The following LAMP2 variants were observed in gnomAD, a reference collection of about 807,000 sequenced individuals.
LAMP2 encodes lysosome-associated membrane glycoprotein 2.
In LAMP2, 4 loss-of-function variants were observed where a neutral mutation model predicts 25.6. The observed-to-expected ratio is 0.16, with a 90% CI of 0.08 to 0.36. The LOEUF (loss-of-function observed/expected upper bound fraction) is 0.36. LAMP2 is among the 10% of genes least tolerant of loss of function. The pLI is 1.00. For missense variants in LAMP2, 272 were observed against 301.4 expected, an observed-to-expected ratio of 0.90 and a Z score of 0.72; for synonymous variants, 108 against 112.7, an observed-to-expected ratio of 0.96 and a Z score of 0.27.
chrX:120,451,531 C>G (rs1027029924), intron 3 of LAMP2, among the ~76,000 whole-genome samples: 3 of 111,101 alleles, frequency 2.7e-5, no homozygotes, highest in African/African-American at 9.9e-5. Flanking sequence ...GTGGCGTAAT[C>G]TTGGCTCACC....
chrX:120,437,259 A>AGC (rs1292209864), intron 8 of LAMP2: 2 of 728,264 alleles, frequency 2.7e-6, no homozygotes, highest in Admixed American at 1.8e-4. Flanking sequence ...TTATATTGTT[A>AGC]TAAAAATACC....
Position 120,447,846 on chromosome X carries a change from C to T in LAMP2, c.736G>A (p.Asp246Asn). 8.3e-7 allele frequency: 1 copy of T among 1,207,744 alleles called. No homozygotes were observed. ...TMGLQLNITQ[D>N]KVASVININP... ...ATAAAGATAGACACCTATACCTTAT[C>T]CTGAGTGATGTTCAGCTGCAGCCCC... Residue 246 changes from aspartate (D) to asparagine (N), a missense_variant, in exon 5 of 9, where the codon GAT becomes AAT. Coordinates refer to ENST00000200639, the MANE Select transcript of LAMP2 (RefSeq NM_002294.3).
intron 1 of LAMP2, among the ~76,000 whole-genome samples, chrX:120,457,334 A>T (rs1470070587): frequency 4.5e-5 from 5 of 111,847 alleles, no homozygotes; most frequent in Non-Finnish European, 9.4e-5. Flanking sequence ...ATAATCTATG[A>T]CACACGGATG....
In LAMP2 at chrX:120,428,578, G is replaced by T. The variant is rs776665496; in HGVS notation, c.*2745C>A. 19 of 1,199,366 alleles carry T rather than the reference G, an allele frequency of 1.6e-5. No homozygotes were observed. Among genetic ancestry groups the T allele is most frequent in the Non-Finnish European group, 2.1e-5 (19 of 889,732 alleles). On this transcript the variant is annotated 3_prime_UTR_variant, in exon 9 of 9. Transcript: ENST00000200639. The stretch of plus-strand genomic sequence containing the variant: ...AAGGAAGCCCAAGGCCACACCCACT[G>T]CAACAGGAATAAGAAAGTTGAGGTC...
In LAMP2 at chrX:120,439,660, CATT is replaced by C. The variant is rs773711151; in HGVS notation, c.1093+2067_1093+2069del. On this transcript the variant is annotated intron_variant, in intron 8 of 8. Transcript: ENST00000200639. ...CATTATATATGATATATAATGCACACATTATATATATGATATATATTTTATATG... is the reference window on the plus strand; with the variant it reads ...CATTATATATGATATATAATGCACACATATATATGATATATATTTTATATG... Among the ~76,000 whole-genome samples, 11 of 109,103 alleles carry C rather than the reference CATT, an allele frequency of 1.0e-4. No homozygotes were observed. In the East Asian group the frequency reaches 2.3e-3, roughly 23 times the overall value. 94.7% of individuals were successfully genotyped at this position (109,103 alleles called of 115,157 possible). A position where few individuals can be genotyped will look rare whatever the true frequency, so the allele number is the denominator to read the frequency against.
intron 8 of LAMP2, among the ~76,000 whole-genome samples, chrX:120,439,645 G>T (rs865966034): frequency 9.2e-6 from 1 of 108,684 alleles, no homozygotes; most frequent in African/African-American, 3.3e-5. Flanking sequence ...CATTATATAT[G>T]ATATATAATG....
chrX:120,447,980 A>C lies in LAMP2; in HGVS notation c.602T>G (p.Ile201Arg). The C allele has an allele frequency of 8.3e-7, 1 of 1,210,641 alleles. No homozygotes were observed. The highest frequency in any genetic ancestry group is 3.0e-5 in the East Asian group (1 of 33,810). Residue 201 changes from isoleucine to arginine, a missense_variant, in exon 5 of 9, where the codon ATA becomes AGA. Physicochemically the swap from Ile to Arg is moderately conservative, Grantham distance 97 (BLOSUM62 -3). Transcript: ENST00000200639. ...AGTAGGAGATGGCACAGTGGTGTGTATGGTGGGTGCCACTGTTGAAGTTTT... is the reference window on the plus strand; with the variant it reads ...AGTAGGAGATGGCACAGTGGTGTGTCTGGTGGGTGCCACTGTTGAAGTTTT... ...KDKTSTVAPTIHTTVPSPTTT... is the reference protein window; with the variant it reads ...KDKTSTVAPTRHTTVPSPTTT...
intron 6 of LAMP2, 150 bp from the exon 7 acceptor site, chrX:120,442,812 G>T (rs1205207015): frequency 2.0e-6 from 1 of 506,513 alleles, no homozygotes; most frequent in Non-Finnish European, 3.5e-6. Context: ...AAGTAAAAGA[G>T]AACTCATAAT....
intron 1 of LAMP2, among the ~76,000 whole-genome samples, chrX:120,465,764 G>A (rs2087158264): frequency 8.9e-6 from 1 of 112,079 alleles, no homozygotes; most frequent in Non-Finnish European, 1.9e-5. Flanking sequence ...CACAGTTCTA[G>A]CTACATAGTA....
chrX:120,449,192 T>C, intron 3 of LAMP2, 64 bp from the exon 4 acceptor site: 1 of 898,099 alleles, frequency 1.1e-6, no homozygotes, highest in South Asian at 2.1e-5. Flanking sequence ...AATATAAATA[T>C]ATTTGTATAG....
At position 120,446,320 on chromosome X, in the gene LAMP2, G is replaced by C; in HGVS notation, c.849C>G (p.Asp283Glu). 1 of 1,207,623 alleles carries C rather than the reference G, an allele frequency of 8.3e-7. No individual in the cohort carries two copies. The highest frequency in any genetic ancestry group is 1.1e-6 in the Non-Finnish European group (1 of 891,958). Reference protein sequence around the residue: ...RLNSSTIKYLDFVFAVKNENR... With the variant: ...RLNSSTIKYLEFVFAVKNENR... ...TGTTACTCACCACAGCAAAGACAAA[G>C]TCTAGATACTTAATGGTGCTGCTAT... The change falls in exon 6 of 9, where the codon GAC becomes GAG. Residue 283 changes from aspartate to glutamate, a missense_variant. Physicochemically the swap from Asp to Glu is conservative, Grantham distance 45. Coordinates refer to ENST00000200639, the MANE Select transcript of LAMP2 (RefSeq NM_002294.3).
chrX:120,446,018 G>C (rs372627306), intron 6 of LAMP2, among the ~76,000 whole-genome samples: 28 of 111,202 alleles, frequency 2.5e-4, no homozygotes, highest in East Asian at 8.5e-4. Context: ...GACAATTGTG[G>C]GTTTCGTTTT....
chrX:120,436,170 A>ACACACACACACACTCTCT (rs1251901451), intron 8 of LAMP2, among the ~76,000 whole-genome samples: 4 of 57,302 alleles, frequency 7.0e-5, no homozygotes, highest in African/African-American at 2.0e-4. Flanking sequence ...ACACACACAC[A>ACACACACACACACTCTCT]CTCTCTCTCT....
intron 3 of LAMP2, among the ~76,000 whole-genome samples, chrX:120,455,064 T>C (rs1418740685): frequency 1.6e-4 from 17 of 103,481 alleles, no homozygotes; most frequent in Non-Finnish European, 7.8e-5. Context: ...TACATATATA[T>C]GTATATATAT....
chrX:120,444,442 G>A (rs1366077333), intron 6 of LAMP2, among the ~76,000 whole-genome samples: 1 of 111,065 alleles, frequency 9.0e-6, no homozygotes, highest in African/African-American at 3.3e-5. Flanking sequence ...TTTATCCAGG[G>A]ATAACCTGCA....
Position 120,429,531 on chromosome X carries a change from A to G in LAMP2, c.*1792T>C. ...CTTTTCCTCTTATGCTCATGATCCC[A>G]TCTGAGGAGGATTAGGTTTTGAAGT... On this transcript the variant is annotated 3_prime_UTR_variant, in exon 9 of 9. Coordinates refer to ENST00000200639, the MANE Select transcript of LAMP2 (RefSeq NM_002294.3). 1.3e-6 allele frequency: 1 copy of G among 750,674 alleles called. No individual in the cohort carries two copies. The highest frequency in any genetic ancestry group is 2.3e-5 in the African/African-American group (1 of 43,592). 61.9% of individuals were successfully genotyped at this position (750,674 alleles called of 1,213,427 possible).
At chrX:120,449,380 C>A (rs955027803) in intron 3 of LAMP2, among the ~76,000 whole-genome samples, 1 of 111,978 alleles carries the variant, frequency 8.9e-6, no homozygotes, top group Non-Finnish European at 1.9e-5. Context: ...TTTGGGAGGC[C>A]GAGGTGGGTG....
At chrX:120,436,475 G>T in intron 8 of LAMP2, 2 of 736,993 alleles carry the variant, frequency 2.7e-6, no homozygotes, top group Non-Finnish European at 3.2e-6. Context: ...TTTAACCAAC[G>T]GGAAAAAAGG....
intron 3 of LAMP2, among the ~76,000 whole-genome samples, chrX:120,452,745 A>T (rs1270341172): frequency 2.1e-5 from 2 of 95,054 alleles, no homozygotes; most frequent in Non-Finnish European, 4.2e-5. Context: ...GTAGAGACAA[A>T]GTCTTAATAT....
Sources: allele counts gnomAD v4.1 joint callset (sites outside exome capture counted in the v4.1 genomes callset), GRCh38; gene constraint gnomAD v4.1.1; transcripts MANE v1.5; gene names NCBI Gene and HGNC (gene_info 2026-07-23, HGNC 2026-07-21).